The following NCOR1 variants were observed in gnomAD, a reference collection of about 807,000 sequenced individuals.
NCOR1 encodes the protein protein phosphatase 1, regulatory subunit 109.
Under a neutral mutation model 288.1 loss-of-function variants are expected in NCOR1, and 63 were observed. That is an observed-to-expected ratio of 0.22 (90% confidence interval 0.18 to 0.27). The LOEUF (loss-of-function observed/expected upper bound fraction) is 0.27. Among genes scored for constraint, NCOR1 ranks in the 10% least tolerant of loss-of-function variants. The probability of loss-of-function intolerance (pLI) is 1.00; values close to 1 mark genes in which losing one functional copy is unlikely to be tolerated. For synonymous variants in NCOR1, 1,007 were observed against 1,065.9 expected (o/e 0.94, Z 1.08); for missense variants, 2,397 against 3,019.2 (o/e 0.79, Z 4.83).
rs573434087 is a variant in NCOR1, at chr17:16,095,526, C to T, written c.2820+2841G>A. Among the ~76,000 whole-genome samples, 317 of 137,962 alleles carry T rather than the reference C, an allele frequency of 2.3e-3. 2 individuals carry two copies. Among genetic ancestry groups the T allele is most frequent in the Middle Eastern group, 0.018 (4 of 220 alleles). The allele number at this position is 137,962 out of a possible 152,430, so 90.5% of individuals were successfully genotyped here. On this transcript the variant is annotated intron_variant, in intron 21 of 45. Transcript: ENST00000268712. Reference sequence around the variant, plus strand: ...CCCCTGCCCGGCCAGCCGCCCCATCCGGGAGGGAGGTTGGGGGGTCAGCCC... The same window carrying T: ...CCCCTGCCCGGCCAGCCGCCCCATCTGGGAGGGAGGTTGGGGGGTCAGCCC...
At chr17:16,153,968 A>C (rs539912204) in intron 6 of NCOR1, among the ~76,000 whole-genome samples, 3 of 151,654 alleles carry the variant, frequency 2.0e-5, no homozygotes, top group African/African-American at 7.3e-5. Context: ...CAAAGTGCTC[A>C]GTAGTTAAAA....
intron 37 of NCOR1, among the ~76,000 whole-genome samples, chr17:16,058,959 G>C (rs899377094): frequency 7.1e-6 from 1 of 141,624 alleles, no homozygotes; most frequent in Non-Finnish European, 1.5e-5. Context: ...TGAGGCCGGA[G>C]AATCGCTTGA....
At chr17:16,202,817 T>G (rs973287792) in intron 1 of NCOR1, among the ~76,000 whole-genome samples, 1 of 152,114 alleles carries the variant, frequency 6.6e-6, no homozygotes, top group Non-Finnish European at 1.5e-5. Context: ...ACAGACTCTG[T>G]TTTTTGCTGC....
At chr17:16,131,956 G>C (rs922650597) in intron 14 of NCOR1, among the ~76,000 whole-genome samples, 7 of 152,114 alleles carry the variant, frequency 4.6e-5, no homozygotes, top group Non-Finnish European at 7.4e-5. Flanking sequence ...CAAGTGAAAG[G>C]ACCCACCTAG....
Position 16,062,225 on chromosome 17 carries a change from G to T in NCOR1, c.5267C>A (p.Ser1756Tyr). 1 of 1,613,404 alleles carries T rather than the reference G, an allele frequency of 6.2e-7. No homozygotes were observed. Among genetic ancestry groups the T allele is most frequent in the Non-Finnish European group, 8.5e-7 (1 of 1,179,902 alleles). ...GRPGSHGYVR[S>Y]PSPSVRTQET... ...CTGAGTTCTTACTGAAGGGGAAGGGGAGCGAACATATCCATGACTGCCAGG... is the reference window on the plus strand; with the variant it reads ...CTGAGTTCTTACTGAAGGGGAAGGGTAGCGAACATATCCATGACTGCCAGG... Residue 1756 changes from serine (S) to tyrosine (Y), a missense_variant, in exon 36 of 46, where the codon TCC (serine) becomes TAC (tyrosine). Around this residue, in one of 11 missense-constraint regions of NCOR1, gnomAD observed 1,872 missense variants for 2,187.8 expected, o/e 0.86. Transcript: ENST00000268712.
chr17:16,193,955 C>G (rs2089203105), intron 2 of NCOR1, among the ~76,000 whole-genome samples: 1 of 152,102 alleles, frequency 6.6e-6, no homozygotes, highest in Admixed American at 6.6e-5. Flanking sequence ...ATGATTATTT[C>G]ACCTCATACT....
At chr17:16,185,953 A>G (rs1374994675) in intron 3 of NCOR1, among the ~76,000 whole-genome samples, 1 of 152,142 alleles carries the variant, frequency 6.6e-6, no homozygotes, top group Non-Finnish European at 1.5e-5. Context: ...AAAAACAAGA[A>G]AAAACAAACA....
At chr17:16,114,006 G>A (rs897155250) in intron 18 of NCOR1, among the ~76,000 whole-genome samples, 36 of 151,828 alleles carry the variant, frequency 2.4e-4, no homozygotes, top group African/African-American at 8.0e-4. Flanking sequence ...TCATTTTCAC[G>A]CTGCTGATAA....
chr17:16,176,414 G>A (rs1401970404), intron 3 of NCOR1, among the ~76,000 whole-genome samples: 4 of 151,848 alleles, frequency 2.6e-5, no homozygotes, highest in Non-Finnish European at 4.4e-5. Flanking sequence ...GATTATAGAC[G>A]TGCGCCACCA....
intron 6 of NCOR1, among the ~76,000 whole-genome samples, chr17:16,157,383 A>C (rs2079989385): frequency 6.6e-6 from 1 of 152,216 alleles, no homozygotes; most frequent in Non-Finnish European, 1.5e-5. Flanking sequence ...CCATTACCGT[A>C]AGTATATTTC....
chr17:16,033,336 C>CAAAA (rs59285422), intron 45 of NCOR1, among the ~76,000 whole-genome samples: 4,964 of 57,052 alleles, frequency 0.087, 150 homozygotes, highest in African/African-American at 0.17. Flanking sequence ...ACTCCGTCTC[C>CAAAA]AAAAAAAAAA....
intron 1 of NCOR1, among the ~76,000 whole-genome samples, chr17:16,200,696 T>C (rs2090676789): frequency 6.6e-6 from 1 of 151,914 alleles, no homozygotes; most frequent in East Asian, 1.9e-4. Context: ...GATACAAAAG[T>C]ATGGGGTAGG....
intron 42 of NCOR1, among the ~76,000 whole-genome samples, chr17:16,043,025 G>A (rs949715010): frequency 2.0e-5 from 3 of 152,108 alleles, no homozygotes; most frequent in African/African-American, 4.8e-5. Flanking sequence ...TAACAATCAA[G>A]GGCCAGGCAA....
intron 3 of NCOR1, among the ~76,000 whole-genome samples, chr17:16,180,293 T>C (rs1488155816): frequency 6.6e-6 from 1 of 152,174 alleles, no homozygotes; most frequent in Non-Finnish European, 1.5e-5. Flanking sequence ...GGCGAGGGTA[T>C]GGAGAAAAGG....
chr17:16,179,912 C>A (rs1206334496), intron 3 of NCOR1, among the ~76,000 whole-genome samples: 2 of 136,756 alleles, frequency 1.5e-5, no homozygotes, highest in Admixed American at 1.6e-4. Context: ...GAGCCAAGAT[C>A]GTGCCACTGC....
chr17:16,176,014 C>T (rs955998952), intron 3 of NCOR1, among the ~76,000 whole-genome samples: 7 of 151,698 alleles, frequency 4.6e-5, no homozygotes, highest in African/African-American at 1.2e-4. Context: ...GTCAGGAGTT[C>T]GAGACCAGCC....
At chr17:16,054,420 A>G (rs2059684799) in intron 40 of NCOR1, among the ~76,000 whole-genome samples, 1 of 152,216 alleles carries the variant, frequency 6.6e-6, no homozygotes, top group Non-Finnish European at 1.5e-5. Context: ...CTGTAATCCC[A>G]GCTACTTGGG....
At chr17:16,133,731 T>C (rs987117830) in intron 14 of NCOR1, among the ~76,000 whole-genome samples, 2 of 152,212 alleles carry the variant, frequency 1.3e-5, no homozygotes, top group African/African-American at 4.8e-5. Context: ...ACCTAATAGG[T>C]ATTTCATATT....
chr17:16,120,942 A>G (rs1443339744), intron 16 of NCOR1, 110 bp downstream of exon 16: 2 of 1,010,948 alleles, frequency 2.0e-6, no homozygotes, highest in African/African-American at 3.3e-5. Flanking sequence ...ACCACACTTC[A>G]GGATTATTTC....
Sources: allele counts gnomAD v4.1 joint callset (sites outside exome capture counted in the v4.1 genomes callset), GRCh38; gene constraint gnomAD v4.1.1; regional missense constraint gnomAD v4.1.1; transcripts MANE v1.5; gene names NCBI Gene and HGNC (gene_info 2026-07-23, HGNC 2026-07-21).